Variants in SYCP2 observed in about 807,000 individuals in gnomAD.
The protein encoded by SYCP2 is synaptonemal complex lateral element protein.
Under a neutral mutation model 211.3 loss-of-function variants are expected in SYCP2, and 55 were observed. The observed-to-expected ratio is 0.26, with a 90% CI of 0.21 to 0.33. The LOEUF is 0.33. SYCP2 is among the 10% of genes least tolerant of loss of function. The probability of loss-of-function intolerance (pLI) is 1.00; values close to 1 mark genes in which losing one functional copy is unlikely to be tolerated. For synonymous variants in SYCP2, 570 were observed against 555.2 expected, an observed-to-expected ratio of 1.03 and a Z score of -0.37; for missense variants, 1,731 against 1,752.0, an observed-to-expected ratio of 0.99 and a Z score of 0.21.
intron 15 of SYCP2, among the ~76,000 whole-genome samples, chr20:59,902,837 A>G (rs1159794175): frequency 6.6e-6 from 1 of 152,168 alleles, no homozygotes; most frequent in Non-Finnish European, 1.5e-5. Context: ...TAAAAGTTAA[A>G]CAGTGACAAG....
At chr20:59,926,672 C>G (rs138128989) in intron 2 of SYCP2, among the ~76,000 whole-genome samples, 1 of 151,958 alleles carries the variant, frequency 6.6e-6, no homozygotes, top group Admixed American at 6.6e-5. Context: ...ACAATTCAAC[C>G]CATAACAGTC....
At chr20:59,882,259 A>G in intron 26 of SYCP2, 94 bp from the exon 27 acceptor site, 1 of 901,294 alleles carries the variant, frequency 1.1e-6, no homozygotes, top group South Asian at 1.5e-5. Context: ...TCAAAAAATG[A>G]GATGTCATCT....
intron 19 of SYCP2, among the ~76,000 whole-genome samples, chr20:59,896,057 T>G (rs988125243): frequency 1.3e-5 from 2 of 151,954 alleles, no homozygotes; most frequent in African/African-American, 4.8e-5. Context: ...GATAGATACT[T>G]AAGTGCCACT....
At chr20:59,900,715 G>A (rs767535343) in intron 17 of SYCP2, 29 bp downstream of exon 17, 2 of 1,579,006 alleles carry the variant, frequency 1.3e-6, no homozygotes, top group African/African-American at 2.7e-5. Flanking sequence ...TTAGCCCAGT[G>A]ATAAAAATCA....
rs767649121 is a variant in SYCP2 at position 59,907,383 on chromosome 20, T to A, written c.1014A>T (p.Val338=). 6.2e-7 allele frequency: 1 copy of A among 1,610,038 alleles called. No individual in the cohort carries two copies. Among genetic ancestry groups the A allele is most frequent in the Non-Finnish European group, 8.5e-7 (1 of 1,177,198 alleles). Reference sequence around the variant, plus strand: ...TAATACCTTCAATGCTGTATATTTGTACTTTTTCCTCTGGCACAGTAACTG... The same window carrying A: ...TAATACCTTCAATGCTGTATATTTGAACTTTTTCCTCTGGCACAGTAACTG... ...WEAVTVPEEK[V]QIYSIEVRES... The change falls in exon 15 of 45, where the codon GTA becomes GTT. Residue 338 remains valine (V), a synonymous_variant. Transcript: ENST00000357552.
At chr20:59,876,540 C>CCTATCTTCAGT (rs2145643714) in intron 33 of SYCP2, among the ~76,000 whole-genome samples, 1 of 151,816 alleles carries the variant, frequency 6.6e-6, no homozygotes, top group Admixed American at 6.6e-5. Flanking sequence ...TGTTCAGAAA[C>CCTATCTTCAGT]CTATCTTCAG....
rs527312791 is a variant in SYCP2, at chr20:59,892,323, G to A, written c.2031C>T (p.Thr677=). 7.5e-6 allele frequency: 12 copies of A among 1,609,166 alleles called. No homozygotes were observed. Among genetic ancestry groups the A allele is most frequent in the Middle Eastern group, 1.7e-4 (1 of 6,036 alleles). Reference sequence around the variant, plus strand: ...CTGCTTTATCTATTTTGATATGGTCGGTTTGTTCTTTCTTATATTTCACTT... The same window carrying A: ...CTGCTTTATCTATTTTGATATGGTCAGTTTGTTCTTTCTTATATTTCACTT... ...TGKVKYKKEQ[T]DHIKIDKAEV... is the part of the protein sequence containing the mutation. The change falls in exon 24 of 45, where the codon ACC becomes ACT. Residue 677 remains threonine, a synonymous_variant. Coordinates refer to ENST00000357552, the MANE Select transcript of SYCP2 (RefSeq NM_014258.4).
chr20:59,899,094 T>TA, intron 18 of SYCP2, among the ~76,000 whole-genome samples: 2 of 152,248 alleles, frequency 1.3e-5, no homozygotes, highest in East Asian at 3.9e-4. Flanking sequence ...TCTCATAGGA[T>TA]AAAACAGTGG....
At chr20:59,893,220 A>C in intron 21 of SYCP2, 21 bp from the exon 22 acceptor site, 1 of 1,545,124 alleles carries the variant, frequency 6.5e-7, no homozygotes, top group Non-Finnish European at 8.8e-7. Flanking sequence ...CAAATATTAT[A>C]ATATTTTCAT....
chr20:59,896,368 A>T, intron 19 of SYCP2, 61 bp downstream of exon 19: 1 of 943,078 alleles, frequency 1.1e-6, no homozygotes, highest in Non-Finnish European at 1.6e-6. Context: ...GAATTGCCTT[A>T]AATTAAAAAA....
chr20:59,877,194 A>T (rs1321485483), intron 33 of SYCP2, among the ~76,000 whole-genome samples, 191 bp downstream of exon 33: 4 of 152,388 alleles, frequency 2.6e-5, no homozygotes, highest in East Asian at 1.9e-4. Context: ...TTTTGTAAAA[A>T]AAATGCCAAC....
chr20:59,870,160 T>G (rs1444963510), intron 35 of SYCP2, among the ~76,000 whole-genome samples, 177 bp from the exon 36 acceptor site: 1 of 151,824 alleles, frequency 6.6e-6, no homozygotes, highest in Admixed American at 6.6e-5. Context: ...GCAAGTGGAT[T>G]ATTACTTTGA....
chr20:59,869,205 T>C (rs1214582929), intron 36 of SYCP2, among the ~76,000 whole-genome samples: 2 of 151,708 alleles, frequency 1.3e-5, no homozygotes, highest in African/African-American at 4.8e-5. Flanking sequence ...AGTCAGGAAA[T>C]GAGGAGCCAC....
rs1257911872 is a variant in SYCP2, at chr20:59,885,919, A to G, written c.2529+9T>C. 2.5e-6 allele frequency: 4 copies of G among 1,595,292 alleles called. No homozygotes were observed. The South Asian group carries it at 3.4e-5, about 14-fold the overall frequency. On this transcript the variant is annotated intron_variant, in intron 26 of 44. Coordinates refer to ENST00000357552, the MANE Select transcript of SYCP2 (RefSeq NM_014258.4). ...ATAGATTTGGTGAAGTTAAGTAAAT[A>G]ACACCTACCTTACTGAGTTGTACAA...
At chr20:59,901,322 A>AT (rs1322536518) in intron 16 of SYCP2, among the ~76,000 whole-genome samples, 1 of 152,020 alleles carries the variant, frequency 6.6e-6, no homozygotes, top group Non-Finnish European at 1.5e-5. Flanking sequence ...CATGTTCCCT[A>AT]TGCCATTATT....
intron 13 of SYCP2, chr20:59,912,157 G>GACT: frequency 2.3e-6 from 1 of 425,578 alleles, no homozygotes; most frequent in Non-Finnish European, 4.2e-6. Context: ...AGAAAAACTG[G>GACT]ACTACAGCCT....
chr20:59,892,218 C>T lies in SYCP2; in HGVS notation c.2136G>A (p.Lys712=), dbSNP rs747991239. 2.7e-5 allele frequency: 43 copies of T among 1,612,230 alleles called. No individual in the cohort carries two copies. The highest frequency in any genetic ancestry group is 3.5e-5 in the Non-Finnish European group (41 of 1,178,828). ...CAGATTCAACAGGCCAATCACTCTG[C>T]TTGGCATTTTCAGTATTTTTCTGCC... The part of the protein sequence containing the change: ...YSGQKNTENA[K]QSDWPVESET... Residue 712 remains lysine (K), a synonymous_variant, in exon 24 of 45, where the codon AAG becomes AAA. Transcript: ENST00000357552.
chr20:59,907,344 G>A lies in SYCP2; in HGVS notation c.1033+20C>T. ...ATGGTAAGAATTAAGAAAATTATTA[G>A]AAAAAAACAAGTTTAATACCTTCAA... is the stretch of plus-strand genomic sequence containing the variant. On this transcript the variant is annotated intron_variant, in intron 15 of 44. Coordinates refer to ENST00000357552, the MANE Select transcript of SYCP2 (RefSeq NM_014258.4). The A allele has an allele frequency of 6.5e-7, 1 of 1,538,400 alleles. No individual in the cohort carries two copies. Among genetic ancestry groups the A allele is most frequent in the South Asian group, 1.2e-5 (1 of 85,182 alleles).
At chr20:59,871,218 A>G (rs2059445444) in intron 35 of SYCP2, among the ~76,000 whole-genome samples, 1 of 152,048 alleles carries the variant, frequency 6.6e-6, no homozygotes, top group African/African-American at 2.4e-5. Flanking sequence ...AAAATGGCCA[A>G]AATCATGTGA....
Sources: gnomAD v4.1 joint callset for allele counts (sites outside exome capture counted in the v4.1 genomes callset) on GRCh38, gnomAD v4.1.1 for gene constraint, MANE v1.5 for transcripts, NCBI Gene and HGNC (gene_info 2026-07-23, HGNC 2026-07-21) for gene names.